Variants in CAPN13 observed in about 807,000 individuals in gnomAD.
CAPN13 encodes calpain-13.
Under a neutral mutation model 98.4 loss-of-function variants are expected in CAPN13, and 90 were observed. The observed-to-expected ratio is 0.92, with a 90% CI of 0.77 to 1.09. The LOEUF (loss-of-function observed/expected upper bound fraction) is 1.09, where lower values mean the gene tolerates loss of function less well. CAPN13 is among the 50% of genes least tolerant of loss of function. The probability of loss-of-function intolerance (pLI) is 0.00; values close to 1 mark genes in which losing one functional copy is unlikely to be tolerated. For missense variants in CAPN13, 887 were observed against 841.3 expected (o/e 1.05, Z -0.67); for synonymous variants, 330 against 305.5 (o/e 1.08, Z -0.84).
At chr2:30,797,757 T>C (rs1268739470) in intron 1 of CAPN13, among the ~76,000 whole-genome samples, 1 of 152,176 alleles carries the variant, frequency 6.6e-6, no homozygotes, top group East Asian at 1.9e-4. Flanking sequence ...GTTCTTTCCA[T>C]GCGTTGAGAC....
chr2:30,751,005 G>C, intron 11 of CAPN13, 98 bp downstream of exon 11: 1 of 1,338,664 alleles, frequency 7.5e-7, no homozygotes, highest in South Asian at 1.4e-5. Context: ...CAAGGCTGTG[G>C]TGCAGTCAAA....
chr2:30,767,174 T>TC (rs1297090794), intron 5 of CAPN13, among the ~76,000 whole-genome samples: 5 of 152,226 alleles, frequency 3.3e-5, no homozygotes, highest in Admixed American at 2.6e-4. Context: ...TCGCTGAGCC[T>TC]CAGTTTCCTC....
intron 1 of CAPN13, among the ~76,000 whole-genome samples, chr2:30,799,837 G>A (rs574973144): frequency 6.6e-6 from 1 of 152,130 alleles, no homozygotes. Context: ...ACTTTGGGAG[G>A]CCAAGGTGGG....
At chr2:30,753,727 T>C (rs557563581) in intron 9 of CAPN13, among the ~76,000 whole-genome samples, 2 of 152,330 alleles carry the variant, frequency 1.3e-5, no homozygotes, top group Admixed American at 6.5e-5. Context: ...TTTCCACACA[T>C]GCTAATTTCC....
intron 1 of CAPN13, among the ~76,000 whole-genome samples, chr2:30,802,551 G>C (rs892475529): frequency 3.0e-4 from 45 of 150,068 alleles, no homozygotes; most frequent in African/African-American, 1.0e-3. Flanking sequence ...CTGGGGGGGG[G>C]GGGTGGTGGT....
At chr2:30,748,411 C>T (rs533138997) in intron 11 of CAPN13, among the ~76,000 whole-genome samples, 2 of 152,152 alleles carry the variant, frequency 1.3e-5, no homozygotes, top group African/African-American at 2.4e-5. Flanking sequence ...CTCACAACGT[C>T]GATGGGATGC....
At chr2:30,740,082 GTTTTTTTTT>G (rs143581068) in intron 15 of CAPN13, among the ~76,000 whole-genome samples, 2 of 121,442 alleles carry the variant, frequency 1.6e-5, no homozygotes, top group South Asian at 2.6e-4. Context: ...ATTGTATTAG[GTTTTTTTTT>G]TTTTTTTTTT....
At chr2:30,797,451 C>T (rs1457246029) in intron 1 of CAPN13, among the ~76,000 whole-genome samples, 1 of 152,188 alleles carries the variant, frequency 6.6e-6, no homozygotes, top group Non-Finnish European at 1.5e-5. Context: ...TTGGCCAATA[C>T]TCTTAATATC....
intron 2 of CAPN13, among the ~76,000 whole-genome samples, chr2:30,784,541 A>T (rs1021131081): frequency 6.6e-6 from 1 of 152,232 alleles, no homozygotes; most frequent in African/African-American, 2.4e-5. Context: ...ACATAGATCA[A>T]CTTTAGAGAG....
At chr2:30,773,883 G>T (rs1054149930) in intron 4 of CAPN13, among the ~76,000 whole-genome samples, 1 of 152,132 alleles carries the variant, frequency 6.6e-6, no homozygotes. Flanking sequence ...ACAACCACTG[G>T]ATAATATAGA....
intron 22 of CAPN13, chr2:30,729,997 G>C (rs1671006706): frequency 6.6e-6 from 1 of 152,146 alleles, no homozygotes; most frequent in Admixed American, 6.5e-5. Context: ...TTCTACAGTG[G>C]TCCAGAGAGT....
chr2:30,731,615 G>A (rs1671099409), intron 20 of CAPN13, among the ~76,000 whole-genome samples: 1 of 152,174 alleles, frequency 6.6e-6, no homozygotes, highest in South Asian at 2.1e-4. Context: ...GAGGGGCTGT[G>A]TGCCTGCTCT....
intron 4 of CAPN13, among the ~76,000 whole-genome samples, chr2:30,773,818 T>C (rs754929066): frequency 5.9e-5 from 9 of 152,146 alleles, no homozygotes; most frequent in Non-Finnish European, 1.3e-4. Flanking sequence ...ATGAAAGACA[T>C]AATGACAGAT....
chr2:30,762,383 A>C (rs1672892975), intron 7 of CAPN13, among the ~76,000 whole-genome samples: 1 of 152,210 alleles, frequency 6.6e-6, no homozygotes, highest in South Asian at 2.1e-4. Flanking sequence ...ATCTGGGCAT[A>C]TGGGGCCCAG....
chr2:30,741,765 C>A, intron 15 of CAPN13, 143 bp downstream of exon 15: 1 of 1,501,352 alleles, frequency 6.7e-7, no homozygotes. Flanking sequence ...GTTCTGGAGA[C>A]GATCCAGGAA....
rs184343173 is a variant in CAPN13, at chr2:30,741,598, G to A, written c.1536+310C>T. On this transcript the variant is annotated intron_variant, in intron 15 of 22. Transcript: ENST00000295055. The stretch of plus-strand genomic sequence containing the variant: ...CGAGTAGGAGAAGGAAAGGTTTCAC[G>A]GGGTACTGCCAATTGCTTGTTTAAA... 2.9e-4 allele frequency: 323 copies of A among 1,115,940 alleles called. 1 individual carries two copies. In the African/African-American group the frequency reaches 3.6e-3, roughly 12 times the overall value. 69.1% of individuals were successfully genotyped at this position (1,115,940 alleles called of 1,614,324 possible).
chr2:30,750,061 A>G (rs1193088315), intron 11 of CAPN13, among the ~76,000 whole-genome samples: 2 of 152,226 alleles, frequency 1.3e-5, no homozygotes, highest in Non-Finnish European at 2.9e-5. Context: ...ATCAACCTAA[A>G]TGCCCATCCA....
chr2:30,798,696 T>C lies in CAPN13; in HGVS notation c.-33+8606A>G, dbSNP rs773495779. 2.6e-5 allele frequency among the ~76,000 whole-genome samples: 4 copies of C among 152,306 alleles called. No individual in the cohort carries two copies. The East Asian group carries it at 7.7e-4, about 29-fold the overall frequency. On this transcript the variant is annotated intron_variant, in intron 1 of 22. Transcript: ENST00000295055. ...AACAATGGAAATAAATCTGATGTAA[T>C]GTAGCAGAACACGACAGGGGACGGT...
intron 2 of CAPN13, among the ~76,000 whole-genome samples, chr2:30,779,103 G>T (rs1429863413): frequency 1.3e-5 from 2 of 152,196 alleles, no homozygotes; most frequent in African/African-American, 2.4e-5. Context: ...AGAAGAGATG[G>T]AGGCTGTGGC....
Sources: gnomAD v4.1 joint callset for allele counts (sites outside exome capture counted in the v4.1 genomes callset) on GRCh38, gnomAD v4.1.1 for gene constraint, MANE v1.5 for transcripts, NCBI Gene and HGNC (gene_info 2026-07-23, HGNC 2026-07-21) for gene names.